Variants in INVS observed in about 807,000 individuals in gnomAD.
INVS encodes inversin, also known as inversion of embryo turning homolog.
INVS carries 86 observed loss-of-function variants against 108.8 expected under a neutral mutation model. The observed-to-expected ratio is 0.79, with a 90% CI of 0.66 to 0.95. INVS has a LOEUF of 0.95. INVS is among the 40% of genes least tolerant of loss of function. The pLI is 0.00. For synonymous variants in INVS, 455 were observed against 473.5 expected (o/e 0.96, Z 0.51); for missense variants, 1,169 against 1,297.4 (o/e 0.90, Z 1.52).
At chr9:100,108,926 C>T (rs184918573) in intron 2 of INVS, among the ~76,000 whole-genome samples, 1 of 152,318 alleles carries the variant, frequency 6.6e-6, no homozygotes, top group East Asian at 1.9e-4. Context: ...CTTACTGCTT[C>T]TAGATTCAGA....
chr9:100,248,802 A>AG (rs1372576489), intron 8 of INVS, among the ~76,000 whole-genome samples: 5 of 152,110 alleles, frequency 3.3e-5, no homozygotes, highest in Admixed American at 3.3e-4. Flanking sequence ...CATTGGAGGG[A>AG]GACTGGAAGG....
intron 3 of INVS, among the ~76,000 whole-genome samples, chr9:100,158,781 TG>T (rs1274542130): frequency 3.3e-5 from 5 of 152,216 alleles, no homozygotes; most frequent in Non-Finnish European, 7.3e-5. Context: ...CCCCAGTGGT[TG>T]GAAGAGGGGC....
At chr9:100,237,989 C>T (rs1011045189) in intron 5 of INVS, among the ~76,000 whole-genome samples, 2 of 152,142 alleles carry the variant, frequency 1.3e-5, no homozygotes, top group African/African-American at 4.8e-5. Flanking sequence ...AGTGATTCTC[C>T]TGCTTCATCC....
chr9:100,113,264 AT>A (rs1827401974), intron 2 of INVS, among the ~76,000 whole-genome samples: 1 of 46,164 alleles, frequency 2.2e-5, no homozygotes, highest in Non-Finnish European at 5.0e-5. Context: ...GGCTTCTGTT[AT>A]TATATGTGTT....
intron 3 of INVS, among the ~76,000 whole-genome samples, chr9:100,206,867 G>T (rs892459419): frequency 1.3e-4 from 20 of 152,116 alleles, no homozygotes; most frequent in Admixed American, 2.6e-4. Context: ...CATGTTGTAA[G>T]TATACAGGCC....
intron 7 of INVS, among the ~76,000 whole-genome samples, chr9:100,245,474 G>T (rs984155517): frequency 2.0e-5 from 3 of 151,988 alleles, no homozygotes; most frequent in African/African-American, 4.8e-5. Flanking sequence ...TAGAGACGGG[G>T]TTTCACCATG....
chr9:100,154,858 A>G (rs1007673863), intron 3 of INVS, among the ~76,000 whole-genome samples: 1 of 152,222 alleles, frequency 6.6e-6, no homozygotes, highest in Non-Finnish European at 1.5e-5. Context: ...TTATCTGAGT[A>G]TATCTTGTTC....
At chr9:100,131,882 G>T (rs540256642) in intron 3 of INVS, 11 of 972,054 alleles carry the variant, frequency 1.1e-5, no homozygotes, top group Non-Finnish European at 1.3e-5. Flanking sequence ...TTCAAGGTAC[G>T]CTGTTTCCAT....
At chr9:100,260,345 A>G (rs2118606484) in intron 10 of INVS, among the ~76,000 whole-genome samples, 1 of 151,594 alleles carries the variant, frequency 6.6e-6, no homozygotes, top group East Asian at 1.9e-4. Context: ...ATGCACCACC[A>G]CATCTGGCTA....
chr9:100,293,061 T>C lies in INVS; in HGVS notation c.2786+18T>C, dbSNP rs1362322226. On this transcript the variant is annotated intron_variant, in intron 14 of 16. Coordinates refer to ENST00000262457, the MANE Select transcript of INVS (RefSeq NM_014425.5). ...TGGCGAAGGTAGGAAAATGGGGTGC[T>C]GCCGCATCTGTGGTTCTTTGTTACT... 8.8e-6 allele frequency: 14 copies of C among 1,593,698 alleles called. No individual in the cohort carries two copies. Among genetic ancestry groups the C allele is most frequent in the Middle Eastern group, 2.0e-4 (1 of 5,032 alleles).
At position 100,292,966 on chromosome 9, in the gene INVS, T is replaced by G. The variant is rs1388335697; in HGVS notation, c.2709T>G (p.Ile903Met). The change falls in exon 14 of 17, where the codon ATT becomes ATG. Residue 903 changes from isoleucine (I) to methionine (M), a missense_variant. Around this residue, in one of 3 missense-constraint regions of INVS, gnomAD observed 533 missense variants for 536.0 expected, o/e 0.99. Transcript: ENST00000262457. ...LLPVELRLQI[I>M]QRERRRKELF... The stretch of plus-strand genomic sequence containing the variant: ...CCGTAGAGCTCCGACTGCAGATAAT[T>G]CAGAGAGAACGAAGGAGGAAGGAGC... 1 of 1,613,264 alleles carries G rather than the reference T, an allele frequency of 6.2e-7. No homozygotes were observed. The highest frequency in any genetic ancestry group is 8.5e-7 in the Non-Finnish European group (1 of 1,179,360).
At chr9:100,203,363 T>C (rs2118245633) in intron 3 of INVS, among the ~76,000 whole-genome samples, 1 of 152,324 alleles carries the variant, frequency 6.6e-6, no homozygotes, top group South Asian at 2.1e-4. Context: ...TCTTTGTCTT[T>C]GTGAACATTT....
intron 2 of INVS, among the ~76,000 whole-genome samples, chr9:100,121,412 A>T (rs62578280): frequency 1.8e-4 from 28 of 152,198 alleles, no homozygotes; most frequent in Non-Finnish European, 3.7e-4. Context: ...GAATTATCCT[A>T]CCACAAGTAC....
At chr9:100,122,967 T>A (rs1347651571) in intron 2 of INVS, among the ~76,000 whole-genome samples, 1 of 152,214 alleles carries the variant, frequency 6.6e-6, no homozygotes, top group African/African-American at 2.4e-5. Context: ...ATGTTAAGAT[T>A]TAAGATTTCC....
At chr9:100,194,251 CTTT>C (rs1003926645) in intron 3 of INVS, among the ~76,000 whole-genome samples, 130 of 152,270 alleles carry the variant, frequency 8.5e-4, no homozygotes, top group Non-Finnish European at 2.5e-4. Flanking sequence ...TATAGTCAGT[CTTT>C]TTCATTTGAG....
chr9:100,229,835 G>T lies in INVS; in HGVS notation c.615+8G>T. On this transcript the variant is annotated splice_region_variant and intron_variant, in intron 5 of 16. Coordinates refer to ENST00000262457, the MANE Select transcript of INVS (RefSeq NM_014425.5). ...ACAGTGAGATGCATTCTGGTGAGTT[G>T]AATGGTACTGCTAGACCTGAATGGC... 1 of 1,613,750 alleles carries T rather than the reference G, an allele frequency of 6.2e-7. No homozygotes were observed. Among genetic ancestry groups the T allele is most frequent in the South Asian group, 1.1e-5 (1 of 91,042 alleles).
intron 2 of INVS, among the ~76,000 whole-genome samples, chr9:100,105,850 C>CTTTTT (rs543070811): frequency 1.9e-4 from 12 of 63,832 alleles, no homozygotes; most frequent in East Asian, 7.5e-4. Context: ...GAAAAATTCC[C>CTTTTT]TTTTTTTTTT....
chr9:100,220,242 C>G (rs1401429955), intron 3 of INVS, among the ~76,000 whole-genome samples: 1 of 152,066 alleles, frequency 6.6e-6, no homozygotes, highest in Non-Finnish European at 1.5e-5. Context: ...GTGCTGTTCT[C>G]TGGGTCAGAG....
At chr9:100,143,403 C>A (rs1828494340) in intron 3 of INVS, among the ~76,000 whole-genome samples, 1 of 152,030 alleles carries the variant, frequency 6.6e-6, no homozygotes, top group South Asian at 2.1e-4. Context: ...TAATAGCAGG[C>A]TTTAATCCTT....
Sources: gnomAD v4.1 joint callset for allele counts (sites outside exome capture counted in the v4.1 genomes callset) on GRCh38, gnomAD v4.1.1 for gene constraint, gnomAD v4.1.1 regional missense constraint, MANE v1.5 for transcripts, NCBI Gene and HGNC (gene_info 2026-07-23, HGNC 2026-07-21) for gene names.